The following GPC5 variants were observed in gnomAD, a reference collection of about 807,000 sequenced individuals.
GPC5 encodes the protein glypican-5.
Under a neutral mutation model 53.9 loss-of-function variants are expected in GPC5, and 47 were observed. That is an observed-to-expected ratio of 0.87 (90% CI 0.69 to 1.11). The LOEUF is 1.11. Among genes scored for constraint, GPC5 ranks in the 50% most tolerant of loss-of-function variants. The pLI is 0.00. For synonymous variants in GPC5, 286 were observed against 263.3 expected (o/e 1.09, Z -0.84); for missense variants, 748 against 713.1 (o/e 1.05, Z -0.56).
At chr13:92,380,413 C>G (rs923521518) in intron 7 of GPC5, among the ~76,000 whole-genome samples, 2 of 152,098 alleles carry the variant, frequency 1.3e-5, no homozygotes, top group African/African-American at 4.8e-5. Context: ...AGGGCCAGCT[C>G]TGCCAACTTA....
At chr13:92,491,326 A>G (rs1380242331) in intron 7 of GPC5, among the ~76,000 whole-genome samples, 3 of 152,170 alleles carry the variant, frequency 2.0e-5, no homozygotes, top group South Asian at 2.1e-4. Flanking sequence ...TAATAAAGAA[A>G]AGGAAGAACC....
intron 5 of GPC5, among the ~76,000 whole-genome samples, chr13:91,842,028 C>T (rs183562027): frequency 4.9e-4 from 75 of 152,234 alleles, no homozygotes; most frequent in South Asian, 1.0e-3. Context: ...TGCATAGACA[C>T]GGCTTTATTG....
chr13:91,698,032 G>A (rs1414922723), intron 3 of GPC5, among the ~76,000 whole-genome samples: 2 of 151,632 alleles, frequency 1.3e-5, no homozygotes, highest in Non-Finnish European at 2.9e-5. Context: ...CTCCCAAGTA[G>A]CTGGAATTAC....
intron 7 of GPC5, among the ~76,000 whole-genome samples, chr13:92,465,598 TTTAA>T (rs1878659883): frequency 6.6e-6 from 1 of 152,106 alleles, no homozygotes; most frequent in African/African-American, 2.4e-5. Flanking sequence ...TGTATATTTT[TTTAA>T]TCCGAGGTGG....
At chr13:92,281,523 C>G (rs948874727) in intron 7 of GPC5, among the ~76,000 whole-genome samples, 1 of 152,144 alleles carries the variant, frequency 6.6e-6, no homozygotes, top group Non-Finnish European at 1.5e-5. Flanking sequence ...ACACCTCACA[C>G]GGCTGGGTAC....
At chr13:92,105,141 C>A (rs1307020224) in intron 6 of GPC5, among the ~76,000 whole-genome samples, 1 of 150,840 alleles carries the variant, frequency 6.6e-6, no homozygotes, top group Non-Finnish European at 1.5e-5. Flanking sequence ...TAAAATAATT[C>A]ACTTTGATGT....
chr13:91,753,077 CTG>C (rs1225044179), intron 4 of GPC5, among the ~76,000 whole-genome samples: 14 of 152,176 alleles, frequency 9.2e-5, no homozygotes, highest in Non-Finnish European at 1.6e-4. Flanking sequence ...ATTGGGGCTA[CTG>C]TGTGTAAAGC....
intron 7 of GPC5, among the ~76,000 whole-genome samples, chr13:92,495,178 A>G (rs2138920490): frequency 6.6e-6 from 1 of 152,328 alleles, no homozygotes; most frequent in Admixed American, 6.5e-5. Flanking sequence ...GTCATTATGG[A>G]CATAAGAAAA....
intron 7 of GPC5, among the ~76,000 whole-genome samples, chr13:92,200,153 C>A (rs1221580461): frequency 1.3e-5 from 2 of 151,066 alleles, no homozygotes; most frequent in Non-Finnish European, 2.9e-5. Context: ...AATTTTCTTT[C>A]TTTTATATTT....
intron 7 of GPC5, among the ~76,000 whole-genome samples, chr13:92,651,754 A>C (rs1885966293): frequency 6.6e-6 from 1 of 152,174 alleles, no homozygotes; most frequent in African/African-American, 2.4e-5. Context: ...GCTGTATAGA[A>C]GTCTCTGTAC....
chr13:91,903,400 A>G (rs2039519439), intron 5 of GPC5, among the ~76,000 whole-genome samples: 1 of 152,078 alleles, frequency 6.6e-6, no homozygotes. Context: ...GTATATGCCC[A>G]AGGTCATAGA....
At chr13:92,214,829 A>C (rs568427406) in intron 7 of GPC5, among the ~76,000 whole-genome samples, 59 of 152,338 alleles carry the variant, frequency 3.9e-4, no homozygotes, top group Non-Finnish European at 6.3e-4. Flanking sequence ...GGTCCTTACA[A>C]TGTGGGAGAG....
In GPC5 at chr13:92,385,439, TATATAC is replaced by T. The variant is rs750672993; in HGVS notation, c.1561+240456_1561+240461del. On this transcript the variant is annotated intron_variant, in intron 7 of 7. Coordinates refer to ENST00000377067, the MANE Select transcript of GPC5 (RefSeq NM_004466.6). ...ATATATACATATATACATATATACA[TATATAC>T]ATATATACATATATACACATATATA... is the stretch of plus-strand genomic sequence containing the variant. 2.2e-3 allele frequency among the ~76,000 whole-genome samples: 236 copies of T among 108,098 alleles called. 16 individuals carry two copies. Among genetic ancestry groups the T allele is most frequent in the East Asian group, 4.3e-3 (15 of 3,492 alleles). The allele number at this position is 108,098 out of a possible 152,430, so 70.9% of individuals were successfully genotyped here.
chr13:92,704,664 G>A lies in GPC5; in HGVS notation c.1562-161618G>A, dbSNP rs117301952. Reference sequence around the variant, plus strand: ...GTCCTTTGGTTTAAGAAAAAAGGAGGAAATCCACTTATGGAAGAATTTACC... The same window carrying A: ...GTCCTTTGGTTTAAGAAAAAAGGAGAAAATCCACTTATGGAAGAATTTACC... On this transcript the variant is annotated intron_variant, in intron 7 of 7. Transcript: ENST00000377067. Among the ~76,000 whole-genome samples the A allele has an allele frequency of 6.8e-3, 1,035 of 151,884 alleles. 7 individuals are homozygous for A. Among genetic ancestry groups the A allele is most frequent in the Middle Eastern group, 0.01 (3 of 294 alleles).
intron 7 of GPC5, among the ~76,000 whole-genome samples, chr13:92,616,393 A>G (rs1039286149): frequency 1.3e-5 from 2 of 152,188 alleles, no homozygotes; most frequent in Admixed American, 1.3e-4. Context: ...ACTATAGCAT[A>G]CCTTGGAGGT....
intron 7 of GPC5, among the ~76,000 whole-genome samples, chr13:92,527,215 A>AAG (rs1349236030): frequency 8.0e-5 from 3 of 37,708 alleles, no homozygotes; most frequent in African/African-American, 6.1e-4. Flanking sequence ...GAAAGAAAGA[A>AAG]AGAAAGAAAG....
At chr13:92,074,985 A>G (rs2041241221) in intron 6 of GPC5, among the ~76,000 whole-genome samples, 1 of 152,092 alleles carries the variant, frequency 6.6e-6, no homozygotes. Context: ...ATTGTATTGT[A>G]CTTTGGTTCA....
chr13:92,008,181 GCCT>G (rs2040626083), intron 6 of GPC5, among the ~76,000 whole-genome samples: 1 of 150,452 alleles, frequency 6.6e-6, no homozygotes, highest in East Asian at 2.0e-4. Context: ...TCCTGCTTCA[GCCT>G]CCTGAGTAGC....
chr13:91,513,201 G>T (rs943180912), intron 2 of GPC5, among the ~76,000 whole-genome samples: 3 of 152,262 alleles, frequency 2.0e-5, no homozygotes, highest in Middle Eastern at 3.4e-3. Context: ...ACAGGCCGTT[G>T]TAAGTAGTAA....
Sources: gnomAD v4.1 joint callset for allele counts (sites outside exome capture counted in the v4.1 genomes callset) on GRCh38, gnomAD v4.1.1 for gene constraint, MANE v1.5 for transcripts, NCBI Gene and HGNC (gene_info 2026-07-23, HGNC 2026-07-21) for gene names.